The following TIMP2 variants were observed in gnomAD, a reference collection of about 807,000 sequenced individuals.
TIMP2 encodes metalloproteinase inhibitor 2.
In TIMP2, 5 loss-of-function variants were observed where a neutral mutation model predicts 24.3. The ratio of observed to expected loss-of-function variants is 0.21; its 90% CI spans 0.11 to 0.43. The LOEUF (loss-of-function observed/expected upper bound fraction) is 0.43. Ranked by LOEUF, TIMP2 falls within the 20% of genes least tolerant of loss-of-function variation. The probability of loss-of-function intolerance (pLI) is 1.00; values close to 1 mark genes in which losing one functional copy is unlikely to be tolerated. For synonymous variants in TIMP2, 130 were observed against 123.2 expected (o/e 1.06, Z -0.37); for missense variants, 221 against 297.5 (o/e 0.74, Z 1.89).
Position 78,925,326 on chromosome 17 carries a change from GCGGCGGGCGAGCGGCGCTGCGGTTCT to G in TIMP2, c.-264_-239del, listed in dbSNP as rs1452856466. On this transcript the variant is annotated 5_prime_UTR_variant, in exon 1 of 5. Transcript: ENST00000262768. ...GCCGGGCGGGGCGGCGGGGTGGGGG[GCGGCGGGCGAGCGGCGCTGCGGTTCT>G]CGGCGGCCGCGCTGCCTTCTACGGA... 1.3e-5 allele frequency: 2 copies of G among 150,488 alleles called. No homozygotes were observed. Among genetic ancestry groups the G allele is most frequent in the Non-Finnish European group, 3.0e-5 (2 of 66,866 alleles). The allele number at this position is 150,488 out of a possible 1,614,324, so 9.3% of individuals were successfully genotyped here. A position where few individuals can be genotyped will look rare whatever the true frequency, so the allele number is the denominator to read the frequency against.
chr17:78,904,327 G>A (rs2070137578), intron 1 of TIMP2: 1 of 152,082 alleles, frequency 6.6e-6, no homozygotes, highest in South Asian at 2.1e-4. Flanking sequence ...TGAGAAATGT[G>A]GCTGGGAAAT....
intron 1 of TIMP2, among the ~76,000 whole-genome samples, chr17:78,876,819 A>G (rs2069732171): frequency 6.6e-6 from 1 of 151,782 alleles, no homozygotes; most frequent in African/African-American, 2.4e-5. Context: ...GAGCCACCAC[A>G]CCCAGCCTGA....
At position 78,891,018 on chromosome 17, in the gene TIMP2, CTCTG is replaced by C; in HGVS notation, c.131-17103_131-17100del. 1 of 1,551,228 alleles carries C rather than the reference CTCTG, an allele frequency of 6.4e-7. No homozygotes were observed. The highest frequency in any genetic ancestry group is 8.7e-7 in the Non-Finnish European group (1 of 1,147,144). On this transcript the variant is annotated intron_variant, in intron 1 of 4. Coordinates refer to ENST00000262768, the MANE Select transcript of TIMP2 (RefSeq NM_003255.5). This position sits in a 1 kb window ranked among gnomAD's most constrained non-coding sequence, Gnocchi z 4.5. ...CTTTGCCTGGATGCCGTCGAGCCCA[CTCTG>C]TCTGCCTGGTCTTGAAGGTGGAGCT...
rs1196501648 is a variant in TIMP2, at chr17:78,853,952, G to A, written c.*1715C>T. On this transcript the variant is annotated 3_prime_UTR_variant, in exon 5 of 5. Transcript: ENST00000262768. ...GACATCTTACCAACTTTAGGTCACT[G>A]TACAGCATGAAAACGCCCGTGGGGC... is the stretch of plus-strand genomic sequence containing the variant. 6.6e-6 allele frequency: 1 copy of A among 152,276 alleles called. No individual in the cohort carries two copies. The highest frequency in any genetic ancestry group is 1.5e-5 in the Non-Finnish European group (1 of 68,124). 9.4% of individuals were successfully genotyped at this position (152,276 alleles called of 1,614,324 possible).
chr17:78,923,395 G>GT (rs1239709195), intron 1 of TIMP2, among the ~76,000 whole-genome samples: 1 of 89,018 alleles, frequency 1.1e-5, no homozygotes, highest in Non-Finnish European at 2.6e-5. Context: ...GTGGGGCGGG[G>GT]TGGGGGGGGG....
At position 78,855,870 on chromosome 17, in the gene TIMP2, G is replaced by T. The variant is rs1258163561; in HGVS notation, c.466-6C>A. On this transcript the variant is annotated splice_region_variant and splice_polypyrimidine_tract_variant and intron_variant, in intron 4 of 4. Transcript: ENST00000262768. The surrounding 1 kb of genome is among the most constrained non-coding windows in gnomAD (Gnocchi z 6.0). ...ATCATGGGGCAGCGCGTGATCTGGG[G>T]AGGGGCACACGGAGGGGGACGGAGT... 1 of 1,613,810 alleles carries T rather than the reference G, an allele frequency of 6.2e-7. No homozygotes were observed. The highest frequency in any genetic ancestry group is 1.3e-5 in the African/African-American group (1 of 75,048).
chr17:78,877,758 C>A (rs2069741204), intron 1 of TIMP2, among the ~76,000 whole-genome samples: 1 of 149,834 alleles, frequency 6.7e-6, no homozygotes, highest in South Asian at 2.1e-4. Context: ...GGCTGGAGTG[C>A]AATGGTGCAA....
chr17:78,890,099 G>A (rs952187577), intron 1 of TIMP2, among the ~76,000 whole-genome samples: 4 of 151,680 alleles, frequency 2.6e-5, no homozygotes, highest in African/African-American at 9.7e-5. Context: ...CTGGGCAACA[G>A]AGCAAGACTC....
intron 1 of TIMP2, among the ~76,000 whole-genome samples, chr17:78,878,878 C>G (rs1041304719): frequency 7.2e-5 from 11 of 152,270 alleles, no homozygotes; most frequent in Middle Eastern, 6.8e-3. Flanking sequence ...CCTCCTCCCC[C>G]ACTTTGCAAA....
intron 1 of TIMP2, among the ~76,000 whole-genome samples, chr17:78,887,513 T>A (rs2069835029): frequency 6.6e-6 from 1 of 152,140 alleles, no homozygotes; most frequent in Non-Finnish European, 1.5e-5. Flanking sequence ...GCCTCCCGAA[T>A]AGCTGGGACT....
intron 2 of TIMP2, among the ~76,000 whole-genome samples, chr17:78,873,311 T>A (rs762182544): frequency 0.1 from 10,544 of 104,706 alleles, 453 homozygotes; most frequent in Middle Eastern, 0.14. Context: ...ATATTTTTTT[T>A]TTTTTTTTTT....
At chr17:78,875,130 G>A (rs568740500) in intron 1 of TIMP2, among the ~76,000 whole-genome samples, 22 of 152,084 alleles carry the variant, frequency 1.4e-4, no homozygotes, top group African/African-American at 5.3e-4. Flanking sequence ...CACCTGCTTC[G>A]GCCTCCCAAA....
At position 78,920,919 on chromosome 17, in the gene TIMP2, G is replaced by A. The variant is rs1219612223; in HGVS notation, c.130+4040C>T. Among the ~76,000 whole-genome samples the A allele has an allele frequency of 6.6e-6, 1 of 151,986 alleles. No individual in the cohort carries two copies. Among genetic ancestry groups the A allele is most frequent in the East Asian group, 1.9e-4 (1 of 5,172 alleles). ...CTTGCTTCTCCCTTACATCCCCGGG[G>A]GCAGAGGCAGCCACTCCATAATTGC... On this transcript the variant is annotated intron_variant, in intron 1 of 4. Transcript: ENST00000262768. This position sits in a 1 kb window ranked among gnomAD's most constrained non-coding sequence, Gnocchi z 4.5.
At chr17:78,875,645 T>C (rs890692492) in intron 1 of TIMP2, among the ~76,000 whole-genome samples, 9 of 152,150 alleles carry the variant, frequency 5.9e-5, no homozygotes, top group African/African-American at 1.9e-4. Context: ...GGGTAAGTGT[T>C]ATGTTACGGT....
At chr17:78,870,158 G>A (rs1162848636) in intron 3 of TIMP2, among the ~76,000 whole-genome samples, 2 of 152,200 alleles carry the variant, frequency 1.3e-5, no homozygotes, top group South Asian at 2.1e-4. Flanking sequence ...GCTCGCGCCT[G>A]TAATCCTGCC....
intron 3 of TIMP2, among the ~76,000 whole-genome samples, chr17:78,858,816 C>G (rs1316338553): frequency 6.6e-6 from 1 of 152,140 alleles, no homozygotes; most frequent in Non-Finnish European, 1.5e-5. Flanking sequence ...TGAGCCACCA[C>G]GCCTGGCCCC....
intron 1 of TIMP2, among the ~76,000 whole-genome samples, chr17:78,878,792 C>A (rs917823968): frequency 6.6e-6 from 1 of 152,168 alleles, no homozygotes; most frequent in Non-Finnish European, 1.5e-5. Flanking sequence ...ATCTCCATCT[C>A]CCCTGGGCTG....
intron 1 of TIMP2, among the ~76,000 whole-genome samples, chr17:78,922,555 C>T (rs1381565150): frequency 1.3e-5 from 2 of 152,244 alleles, no homozygotes; most frequent in Non-Finnish European, 2.9e-5. Flanking sequence ...CGGTGGCTCA[C>T]GCCTATAATC....
chr17:78,892,263 T>C (rs1214199698), intron 1 of TIMP2: 3 of 1,550,734 alleles, frequency 1.9e-6, no homozygotes, highest in East Asian at 2.4e-5. Flanking sequence ...TGTAGCAATT[T>C]GTGCTTTTTC....
Sources: allele counts gnomAD v4.1 joint callset (sites outside exome capture counted in the v4.1 genomes callset), GRCh38; gene constraint gnomAD v4.1.1; non-coding constraint Gnocchi (gnomAD v3.1); transcripts MANE v1.5; gene names NCBI Gene and HGNC (gene_info 2026-07-23, HGNC 2026-07-21).